The following NAA35 variants were observed in gnomAD, a reference collection of about 807,000 sequenced individuals.
The protein encoded by NAA35 is MAK10 homolog, amino-acid N-acetyltransferase subunit.
Under a neutral mutation model 101.7 loss-of-function variants are expected in NAA35, and 18 were observed. The ratio of observed to expected loss-of-function variants is 0.18; its 90% CI spans 0.12 to 0.26. NAA35 has a LOEUF of 0.26. NAA35 is among the 10% of genes least tolerant of loss of function. NAA35 has a pLI of 1.00. For missense variants in NAA35, 601 were observed against 886.8 expected, an observed-to-expected ratio of 0.68 and a Z score of 4.09; for synonymous variants, 267 against 273.1, an observed-to-expected ratio of 0.98 and a Z score of 0.22.
chr9:85,974,815 C>T (rs1369880560), intron 6 of NAA35, 152 bp from the exon 7 acceptor site: 5 of 602,518 alleles, frequency 8.3e-6, no homozygotes, highest in Non-Finnish European at 8.8e-6. Flanking sequence ...TGTGTGTATC[C>T]TAGCAATATT....
At chr9:85,973,748 T>A (rs550477465) in intron 6 of NAA35, among the ~76,000 whole-genome samples, 3 of 150,206 alleles carry the variant, frequency 2.0e-5, no homozygotes, top group African/African-American at 7.3e-5. Context: ...ATATGATGAG[T>A]GTTTTTTTTT....
In NAA35 at chr9:86,023,931, G is replaced by C. The variant is rs903338903; in HGVS notation, c.*1971G>C. 3.3e-5 allele frequency among the ~76,000 whole-genome samples: 5 copies of C among 152,242 alleles called. No individual in the cohort carries two copies. The highest frequency in any genetic ancestry group is 6.5e-5 in the Admixed American group (1 of 15,284). On this transcript the variant is annotated 3_prime_UTR_variant, in exon 23 of 23. Coordinates refer to ENST00000361671, the MANE Select transcript of NAA35 (RefSeq NM_024635.4). ...ACTTGTGGGCTCAAGCAGTCCTCCT[G>C]CCTCAGCCCCCAGAGTAGCTGGGAT...
intron 11 of NAA35, among the ~76,000 whole-genome samples, chr9:85,989,658 T>A (rs1252321634): frequency 1.3e-5 from 2 of 152,156 alleles, no homozygotes; most frequent in East Asian, 3.8e-4. Flanking sequence ...GGAATGAAAT[T>A]CAGCCTACTG....
intron 11 of NAA35, among the ~76,000 whole-genome samples, chr9:85,981,656 TA>T (rs1830445927): frequency 6.6e-6 from 1 of 152,174 alleles, no homozygotes; most frequent in African/African-American, 2.4e-5. Flanking sequence ...ATAAACCTTT[TA>T]AAAATGTAAT....
chr9:85,942,435 C>T, intron 2 of NAA35, 152 bp downstream of exon 2: 1 of 1,069,386 alleles, frequency 9.4e-7, no homozygotes, highest in Non-Finnish European at 1.4e-6. Context: ...CTAATTTTAA[C>T]TTTAAAGCAA....
intron 2 of NAA35, among the ~76,000 whole-genome samples, chr9:85,954,232 C>T (rs1429074400): frequency 6.6e-6 from 1 of 152,118 alleles, no homozygotes; most frequent in East Asian, 1.9e-4. Context: ...AGGTGTGCAC[C>T]ACCATGCCTG....
Position 86,024,275 on chromosome 9 carries a change from C to A in NAA35, c.*2315C>A, listed in dbSNP as rs546630473. On this transcript the variant is annotated 3_prime_UTR_variant, in exon 23 of 23. Transcript: ENST00000361671. ...GCACTGCTGGGAAAAGGGTCCCAGA[C>A]AGAATGTGCACAGGCTTGGAGGGGA... Among the ~76,000 whole-genome samples, 3 of 152,248 alleles carry A rather than the reference C, an allele frequency of 2.0e-5. 1 individual carries two copies. Among genetic ancestry groups the A allele is most frequent in the African/African-American group, 4.8e-5 (2 of 41,536 alleles).
At position 86,022,114 on chromosome 9, in the gene NAA35, T is replaced by C; in HGVS notation, c.*154T>C. 1.7e-6 allele frequency: 1 copy of C among 580,848 alleles called. No homozygotes were observed. Among genetic ancestry groups the C allele is most frequent in the Non-Finnish European group, 3.0e-6 (1 of 335,378 alleles). The allele number at this position is 580,848 out of a possible 1,614,324, so 36.0% of individuals were successfully genotyped here. ...ATACTTTTAGTTTGACAGCCTTATA[T>C]GACATGAATGAAAACTGCTGTTTTA... is the stretch of plus-strand genomic sequence containing the variant. On this transcript the variant is annotated 3_prime_UTR_variant, in exon 23 of 23. Transcript: ENST00000361671.
At chr9:85,974,245 C>T (rs991992572) in intron 6 of NAA35, among the ~76,000 whole-genome samples, 3 of 152,180 alleles carry the variant, frequency 2.0e-5, no homozygotes, top group Non-Finnish European at 4.4e-5. Flanking sequence ...AGGCACGAGC[C>T]ACCATGCCCA....
rs1296953596 is a variant in NAA35 at position 86,024,287 on chromosome 9, A to C, written c.*2327A>C. On this transcript the variant is annotated 3_prime_UTR_variant, in exon 23 of 23. Transcript: ENST00000361671. Reference sequence around the variant, plus strand: ...AAAGGGTCCCAGACAGAATGTGCACAGGCTTGGAGGGGAGAGGGTAGCAGC... The same window carrying C: ...AAAGGGTCCCAGACAGAATGTGCACCGGCTTGGAGGGGAGAGGGTAGCAGC... Among the ~76,000 whole-genome samples, 1 of 152,232 alleles carries C rather than the reference A, an allele frequency of 6.6e-6. No individual in the cohort carries two copies. The highest frequency in any genetic ancestry group is 1.5e-5 in the Non-Finnish European group (1 of 68,040).
At position 85,956,471 on chromosome 9, in the gene NAA35, C is replaced by T. The variant is rs572709068; in HGVS notation, c.158+78C>T. The T allele has an allele frequency of 6.5e-6, 5 of 763,480 alleles. No homozygotes were observed. In the South Asian group the frequency reaches 7.9e-5, roughly 12 times the overall value. The allele number at this position is 763,480 out of a possible 1,614,324, so 47.3% of individuals were successfully genotyped here. A position where few individuals can be genotyped will look rare whatever the true frequency, so the allele number is the denominator to read the frequency against. ...TTTTCCTCATGTGGAGTAATATTCC[C>T]TGAAGTTTGAGTAAATTTACGTTTC... On this transcript the variant is annotated intron_variant, in intron 3 of 22. Coordinates refer to ENST00000361671, the MANE Select transcript of NAA35 (RefSeq NM_024635.4).
At chr9:85,981,125 T>A (rs1200650124) in intron 11 of NAA35, among the ~76,000 whole-genome samples, 1 of 152,178 alleles carries the variant, frequency 6.6e-6, no homozygotes, top group Non-Finnish European at 1.5e-5. Context: ...GTGCTGACTT[T>A]GTATGTATTT....
In NAA35 at chr9:86,017,523, A is replaced by G; in HGVS notation, c.1731A>G (p.Thr577=). ...TTCGCCCATTGAGCCGAGAGATCACAATGAGCCAAGCATATCAGAACATGT... is the reference window on the plus strand; with the variant it reads ...TTCGCCCATTGAGCCGAGAGATCACGATGAGCCAAGCATATCAGAACATGT... ...KKVRPLSREI[T]MSQAYQNMCA... Residue 577 remains threonine (T), a synonymous_variant, in exon 19 of 23, where the codon ACA becomes ACG. Transcript: ENST00000361671. The G allele has an allele frequency of 1.9e-6, 3 of 1,613,892 alleles. No homozygotes were observed. Among genetic ancestry groups the G allele is most frequent in the Non-Finnish European group, 2.5e-6 (3 of 1,179,862 alleles).
At chr9:85,941,972 A>G in intron 1 of NAA35, 183 bp from the exon 2 acceptor site, 1 of 1,242,090 alleles carries the variant, frequency 8.1e-7, no homozygotes, top group Non-Finnish European at 1.0e-6. Flanking sequence ...CAGGAGTGTT[A>G]ATTGACGTGC....
chr9:85,941,710 G>A (rs1828525693), intron 1 of NAA35: 1 of 986,486 alleles, frequency 1.0e-6, no homozygotes, highest in African/African-American at 1.7e-5. Flanking sequence ...TCTGGCCCGG[G>A]AGAGGTCCCA....
rs886282097 is a variant in NAA35, at chr9:86,018,319, A to G, written c.1838A>G (p.Gln613Arg). The G allele has an allele frequency of 2.5e-6, 4 of 1,614,110 alleles. No homozygotes were observed. The highest frequency in any genetic ancestry group is 3.4e-6 in the Non-Finnish European group (4 of 1,179,948). ...RKPKFELDSE[Q>R]VRYEHRFAPF... ...CCGAAGTTTGAGCTTGATAGTGAAC[A>G]AGTTCGGTATGAACACAGGTTTGCT... The change falls in exon 20 of 23, where the codon CAA (glutamine) becomes CGA (arginine). Residue 613 changes from glutamine (Q) to arginine (R), a missense_variant. By Grantham distance (43) the Gln-to-Arg change is conservative (BLOSUM62 1). Coordinates refer to ENST00000361671, the MANE Select transcript of NAA35 (RefSeq NM_024635.4).
At chr9:85,970,473 G>A (rs939744693) in intron 6 of NAA35, among the ~76,000 whole-genome samples, 5 of 152,028 alleles carry the variant, frequency 3.3e-5, no homozygotes, top group East Asian at 1.9e-4. Flanking sequence ...GAAACTTGGC[G>A]GATAGCACCT....
intron 2 of NAA35, among the ~76,000 whole-genome samples, chr9:85,949,331 G>A (rs1587552855): frequency 3.1e-5 from 4 of 129,076 alleles, no homozygotes. Flanking sequence ...TTTCACTCTT[G>A]TTGCCCATGC....
intron 20 of NAA35, 148 bp downstream of exon 20, chr9:86,018,543 T>C: frequency 7.6e-7 from 1 of 1,318,500 alleles, no homozygotes; most frequent in Non-Finnish European, 1.0e-6. Context: ...GAGAATTATA[T>C]ATTACCTAGG....
Sources: gnomAD v4.1 joint callset for allele counts (sites outside exome capture counted in the v4.1 genomes callset) on GRCh38, gnomAD v4.1.1 for gene constraint, MANE v1.5 for transcripts, NCBI Gene and HGNC (gene_info 2026-07-23, HGNC 2026-07-21) for gene names.